IGF2BP2: variants seen among roughly 807,000 people sequenced by gnomAD.
The protein encoded by IGF2BP2 is insulin-like growth factor 2 mRNA-binding protein 2.
A neutral mutation model predicts 75.8 loss-of-function variants in IGF2BP2; 17 were observed. That is an observed-to-expected ratio of 0.22 (90% CI 0.15 to 0.34). IGF2BP2 has a LOEUF of 0.34. IGF2BP2 is among the 10% of genes least tolerant of loss of function. The probability of loss-of-function intolerance (pLI) is 1.00; values close to 1 mark genes in which losing one functional copy is unlikely to be tolerated. For missense variants in IGF2BP2, 516 were observed against 772.4 expected, an observed-to-expected ratio of 0.67 and a Z score of 3.93; for synonymous variants, 288 against 295.6, an observed-to-expected ratio of 0.97 and a Z score of 0.26.
At chr3:185,659,824 T>G (rs1272230196) in intron 10 of IGF2BP2, among the ~76,000 whole-genome samples, 2 of 151,806 alleles carry the variant, frequency 1.3e-5, no homozygotes. Context: ...GAGATGGTGT[T>G]TCACTCGTTG....
intron 2 of IGF2BP2, among the ~76,000 whole-genome samples, chr3:185,706,484 T>C (rs1424391620): frequency 6.6e-6 from 1 of 152,184 alleles, no homozygotes; most frequent in Non-Finnish European, 1.5e-5. Flanking sequence ...TTTAGATGTC[T>C]GTGAGAAGAC....
At chr3:185,756,412 C>T (rs577223731) in intron 2 of IGF2BP2, among the ~76,000 whole-genome samples, 2 of 152,326 alleles carry the variant, frequency 1.3e-5, no homozygotes, top group South Asian at 4.2e-4. Context: ...CAGAGTAACA[C>T]AGGATCACTG....
At chr3:185,762,125 C>T (rs550549533) in intron 2 of IGF2BP2, among the ~76,000 whole-genome samples, 1 of 152,070 alleles carries the variant, frequency 6.6e-6, no homozygotes, top group Non-Finnish European at 1.5e-5. Flanking sequence ...CGGTGGCTCA[C>T]GCCTGTAATC....
At position 185,669,372 on chromosome 3, in the gene IGF2BP2, C is replaced by T. The variant is rs895729940; in HGVS notation, c.1200+3169G>A. Among the ~76,000 whole-genome samples, 4 of 152,080 alleles carry T rather than the reference C, an allele frequency of 2.6e-5. No individual in the cohort carries two copies. In the East Asian group the frequency reaches 5.8e-4, roughly 22 times the overall value. On this transcript the variant is annotated intron_variant, in intron 10 of 15. Transcript: ENST00000382199. ...ATATATAAATATACACACACACACACGCACATACCTACACAGAAACACTGG... is the reference window on the plus strand; with the variant it reads ...ATATATAAATATACACACACACACATGCACATACCTACACAGAAACACTGG...
chr3:185,651,989 G>A (rs184768819), intron 13 of IGF2BP2, 105 bp downstream of exon 13: 2 of 771,588 alleles, frequency 2.6e-6, no homozygotes, highest in East Asian at 5.6e-5. Context: ...CAGCAGCAGG[G>A]AGGGAAATGG....
chr3:185,743,105 T>C (rs747960335), intron 2 of IGF2BP2, among the ~76,000 whole-genome samples: 3 of 151,214 alleles, frequency 2.0e-5, no homozygotes, highest in Admixed American at 6.6e-5. Context: ...TCTTAATAAA[T>C]AAACAAACAA....
intron 2 of IGF2BP2, among the ~76,000 whole-genome samples, chr3:185,785,153 T>C (rs1157674081): frequency 6.6e-6 from 1 of 151,758 alleles, no homozygotes; most frequent in Non-Finnish European, 1.5e-5. Flanking sequence ...ATACAAAAAT[T>C]AGCTGGGTAT....
intron 3 of IGF2BP2, 64 bp downstream of exon 3, chr3:185,698,235 G>GT: frequency 6.9e-7 from 1 of 1,442,698 alleles, no homozygotes; most frequent in Non-Finnish European, 9.7e-7. Context: ...ATTCCTAAAT[G>GT]TAAAATGGAA....
chr3:185,698,471 A>G, intron 2 of IGF2BP2, 124 bp from the exon 3 acceptor site: 1 of 808,076 alleles, frequency 1.2e-6, no homozygotes, highest in Non-Finnish European at 2.0e-6. Context: ...TGGCATCAAC[A>G]AAAAATTCCT....
At chr3:185,789,699 T>C (rs917840300) in intron 2 of IGF2BP2, among the ~76,000 whole-genome samples, 1 of 151,040 alleles carries the variant, frequency 6.6e-6, no homozygotes, top group Non-Finnish European at 1.5e-5. Flanking sequence ...AGCTAGACTA[T>C]GTGAGTTTCT....
intron 2 of IGF2BP2, among the ~76,000 whole-genome samples, chr3:185,792,492 G>T (rs575868376): frequency 6.6e-6 from 1 of 151,284 alleles, no homozygotes; most frequent in African/African-American, 2.4e-5. Flanking sequence ...TTTTACAGGC[G>T]CAGTGACTCA....
chr3:185,692,551 C>T (rs768352491), intron 5 of IGF2BP2, 148 bp downstream of exon 5: 18 of 646,886 alleles, frequency 2.8e-5, no homozygotes, highest in East Asian at 1.4e-4. Context: ...GCTCAGATGC[C>T]GTGGAGCTCC....
At chr3:185,699,462 C>T (rs1410156003) in intron 2 of IGF2BP2, among the ~76,000 whole-genome samples, 26 of 152,108 alleles carry the variant, frequency 1.7e-4, no homozygotes, top group Non-Finnish European at 1.5e-5. Context: ...ATTTTTATTT[C>T]TGAATAGGTA....
At chr3:185,656,114 T>A (rs1715398752) in intron 12 of IGF2BP2, among the ~76,000 whole-genome samples, 1 of 152,262 alleles carries the variant, frequency 6.6e-6, no homozygotes, top group African/African-American at 2.4e-5. Context: ...CCTGCCGGCA[T>A]CTCAGACTGC....
intron 2 of IGF2BP2, among the ~76,000 whole-genome samples, chr3:185,808,305 T>C (rs1305675985): frequency 3.6e-5 from 5 of 137,994 alleles, no homozygotes; most frequent in Non-Finnish European, 7.6e-5. Flanking sequence ...TGAAACACTG[T>C]CTCTACTAAA....
intron 2 of IGF2BP2, among the ~76,000 whole-genome samples, chr3:185,751,791 C>T (rs1363186227): frequency 6.6e-6 from 1 of 151,934 alleles, no homozygotes; most frequent in Non-Finnish European, 1.5e-5. Context: ...GGTAAAACCT[C>T]GTCTCTACTA....
rs1164710716 is a variant in IGF2BP2 at position 185,665,491 on chromosome 3, AAGGAGGAGGAGAAGG to A, written c.1200+7035_1200+7049del. On this transcript the variant is annotated intron_variant, in intron 10 of 15. Coordinates refer to ENST00000382199, the MANE Select transcript of IGF2BP2 (RefSeq NM_006548.6). ...GAAGAAGAAGGAGAAGAAGGAGGAG[AAGGAGGAGGAGAAGG>A]AGGAGGAGGAGAAGGAGGAGGAGGA... Among the ~76,000 whole-genome samples, 136 of 37,718 alleles carry A rather than the reference AAGGAGGAGGAGAAGG, an allele frequency of 3.6e-3. 1 individual carries two copies. The highest frequency in any genetic ancestry group is 8.6e-3 in the Admixed American group (31 of 3,602). The allele number at this position is 37,718 out of a possible 152,430, so 24.7% of individuals were successfully genotyped here. A position where few individuals can be genotyped will look rare whatever the true frequency, so the allele number is the denominator to read the frequency against.
At chr3:185,699,293 C>T (rs182070087) in intron 2 of IGF2BP2, among the ~76,000 whole-genome samples, 175 of 152,186 alleles carry the variant, frequency 1.1e-3, no homozygotes, top group African/African-American at 3.9e-3. Context: ...TCTATTTATA[C>T]AATTATCCCC....
At chr3:185,693,060 G>C in intron 4 of IGF2BP2, 1 of 249,578 alleles carries the variant, frequency 4.0e-6, no homozygotes, top group South Asian at 8.4e-5. Context: ...CATTTTTAAT[G>C]TCTATATAAA....
Sources: gnomAD v4.1 joint callset for allele counts (sites outside exome capture counted in the v4.1 genomes callset) on GRCh38, gnomAD v4.1.1 for gene constraint, MANE v1.5 for transcripts, NCBI Gene and HGNC (gene_info 2026-07-23, HGNC 2026-07-21) for gene names.